Variants in MLXIP observed in about 807,000 individuals in gnomAD.
MLXIP encodes the protein MLX-interacting protein.
Under a neutral mutation model 87.2 loss-of-function variants are expected in MLXIP, and 30 were observed. The ratio of observed to expected loss-of-function variants is 0.34; its 90% confidence interval spans 0.26 to 0.47. The LOEUF is 0.47. Ranked by LOEUF, MLXIP falls within the 20% of genes least tolerant of loss-of-function variation. The probability of loss-of-function intolerance (pLI) is 1.00; values close to 1 mark genes in which losing one functional copy is unlikely to be tolerated. For synonymous variants in MLXIP, 530 were observed against 514.0 expected, an observed-to-expected ratio of 1.03 and a Z score of -0.42; for missense variants, 1,002 against 1,240.1, an observed-to-expected ratio of 0.81 and a Z score of 2.88.
chr12:122,115,037 G>A (rs1011981154), intron 1 of MLXIP, among the ~76,000 whole-genome samples: 4 of 151,634 alleles, frequency 2.6e-5, no homozygotes, highest in African/African-American at 4.8e-5. Context: ...GTGAGCCACC[G>A]CACCCAGCCA....
intron 11 of MLXIP, chr12:122,136,299 T>C (rs1358121966): frequency 6.6e-6 from 1 of 152,170 alleles, no homozygotes; most frequent in East Asian, 1.9e-4. Context: ...GAAATGGAAA[T>C]GGCCTCTTTT....
At chr12:122,082,545 G>A (rs1952106960) in intron 1 of MLXIP, among the ~76,000 whole-genome samples, 1 of 152,194 alleles carries the variant, frequency 6.6e-6, no homozygotes, top group Non-Finnish European at 1.5e-5. Flanking sequence ...GCTCCGCATA[G>A]CAAGTGGGTT....
intron 1 of MLXIP, 66 bp from the exon 2 acceptor site, chr12:122,127,190 C>T: frequency 7.9e-7 from 1 of 1,261,840 alleles, no homozygotes; most frequent in Non-Finnish European, 1.1e-6. Flanking sequence ...GATCGGGTGG[C>T]ACTTTGTAAT....
In MLXIP at chr12:122,135,012, G is replaced by A; in HGVS notation, c.1733-212G>A. On this transcript the variant is annotated intron_variant, in intron 9 of 16. Transcript: ENST00000319080. This position sits in a 1 kb window ranked among gnomAD's most constrained non-coding sequence, Gnocchi z 5.3. Reference sequence around the variant, plus strand: ...TTTAAAGTTAGTCACAACCTACAGTGTGAAAACATGGTCCTGGCCATCTCT... The same window carrying A: ...TTTAAAGTTAGTCACAACCTACAGTATGAAAACATGGTCCTGGCCATCTCT... The A allele has an allele frequency of 1.8e-6, 1 of 570,100 alleles. No homozygotes were observed. The highest frequency in any genetic ancestry group is 2.9e-5 in the Admixed American group (1 of 35,010). The allele number at this position is 570,100 out of a possible 1,614,324, so 35.3% of individuals were successfully genotyped here. A position where few individuals can be genotyped will look rare whatever the true frequency, so the allele number is the denominator to read the frequency against.
intron 1 of MLXIP, among the ~76,000 whole-genome samples, chr12:122,093,932 TG>T (rs1952296358): frequency 4.9e-4 from 63 of 127,838 alleles, no homozygotes; most frequent in Admixed American, 5.5e-4. Context: ...TCTGGTGTGG[TG>T]GTGTGTGGGG....
At chr12:122,140,788 G>A (rs1451678290) in intron 15 of MLXIP, 166 bp from the exon 16 acceptor site, 4 of 1,052,474 alleles carry the variant, frequency 3.8e-6, no homozygotes, top group African/African-American at 1.6e-5. Flanking sequence ...TGAAGTGGAA[G>A]ACACACCTTG....
chr12:122,084,566 G>T (rs1952139146), intron 1 of MLXIP, among the ~76,000 whole-genome samples: 1 of 152,080 alleles, frequency 6.6e-6, no homozygotes, highest in African/African-American at 2.4e-5. Flanking sequence ...GTTTGTTTGA[G>T]ACGGAGTTTC....
intron 15 of MLXIP, among the ~76,000 whole-genome samples, chr12:122,139,536 G>A (rs977596789): frequency 2.0e-5 from 3 of 152,222 alleles, no homozygotes; most frequent in Non-Finnish European, 2.9e-5. Flanking sequence ...ACATGTGTTG[G>A]GTTGACCGTG....
chr12:122,114,589 G>A (rs1009404679), intron 1 of MLXIP, among the ~76,000 whole-genome samples: 2 of 152,128 alleles, frequency 1.3e-5, no homozygotes, highest in East Asian at 3.8e-4. Flanking sequence ...CCCATTGTAA[G>A]TCAGATTGGT....
In MLXIP at chr12:122,079,141, C is replaced by G. The variant is rs1952054988; in HGVS notation, c.288C>G (p.Gly96=). 2 of 1,550,942 alleles carry G rather than the reference C, an allele frequency of 1.3e-6. No homozygotes were observed. The highest frequency in any genetic ancestry group is 2.7e-5 in the African/African-American group (2 of 73,016). ...SPHREHPPKK[G]YDFDTVNKQT... is the part of the protein sequence containing the mutation. ...ACCGAGAGCACCCGCCCAAGAAGGG[C>G]TACGATTTCGACACGGTCAACAAAC... The change falls in exon 1 of 17, where the codon GGC becomes GGG. Residue 96 remains glycine (G), a synonymous_variant. Coordinates refer to ENST00000319080, the MANE Select transcript of MLXIP (RefSeq NM_014938.6).
rs1214535980 is a variant in MLXIP, at chr12:122,127,333, A to G, written c.491A>G (p.Asn164Ser). The G allele has an allele frequency of 6.2e-7, 1 of 1,613,170 alleles. No homozygotes were observed. The highest frequency in any genetic ancestry group is 8.5e-7 in the Non-Finnish European group (1 of 1,179,614). ...LQWRDKIRLN[N>S]AIWRAWYMQY... ...TGGAGAGACAAGATCCGGCTCAATA[A>G]TGCCATCTGGCGGGCCTGGTACATG... Residue 164 changes from asparagine (N) to serine (S), a missense_variant, in exon 2 of 17, where the codon AAT becomes AGT. Asn to Ser is a conservative substitution (Grantham distance 46). Transcript: ENST00000319080.
At chr12:122,097,920 TCTGGC>T (rs1054202734) in intron 1 of MLXIP, among the ~76,000 whole-genome samples, 1 of 151,604 alleles carries the variant, frequency 6.6e-6, no homozygotes, top group Non-Finnish European at 1.5e-5. Flanking sequence ...GCAGCTCAGC[TCTGGC>T]CTGGCCTTGG....
intron 1 of MLXIP, among the ~76,000 whole-genome samples, chr12:122,088,826 G>C (rs1467036155): frequency 6.6e-6 from 1 of 152,012 alleles, no homozygotes; most frequent in Non-Finnish European, 1.5e-5. Flanking sequence ...TAGAAAGCAG[G>C]GGAATTAGCC....
At chr12:122,114,632 A>C (rs1952659154) in intron 1 of MLXIP, among the ~76,000 whole-genome samples, 1 of 152,170 alleles carries the variant, frequency 6.6e-6, no homozygotes, top group South Asian at 2.1e-4. Flanking sequence ...CCAGGCAAAC[A>C]AAGACACTCC....
chr12:122,098,414 A>T (rs1330126292), intron 1 of MLXIP, among the ~76,000 whole-genome samples: 2 of 152,208 alleles, frequency 1.3e-5, no homozygotes, highest in Non-Finnish European at 2.9e-5. Flanking sequence ...CGACTGGAAG[A>T]TTGACACAGC....
At chr12:122,140,741 C>T in intron 15 of MLXIP, 3 of 720,582 alleles carry the variant, frequency 4.2e-6, no homozygotes, top group Non-Finnish European at 7.2e-6. Context: ...CTTGAGCGGC[C>T]CTGTTGTCCA....
rs60691591 is a variant in MLXIP, at chr12:122,131,912, C to CTT, written c.1001-352_1001-351dup. Reference sequence around the variant, plus strand: ...CAGGCATGGTGGTTGTGGTTGGCACCTTTTTTTTTTTTTTTTTTTTTTTTT... The same window carrying CTT: ...CAGGCATGGTGGTTGTGGTTGGCACCTTTTTTTTTTTTTTTTTTTTTTTTTTT... On this transcript the variant is annotated intron_variant, in intron 7 of 16. Transcript: ENST00000319080. 8.8e-4 allele frequency among the ~76,000 whole-genome samples: 65 copies of CTT among 73,996 alleles called. 2 individuals are homozygous for CTT. The highest frequency in any genetic ancestry group is 2.5e-3 in the African/African-American group (42 of 17,028). The allele number at this position is 73,996 out of a possible 152,430, so 48.5% of individuals were successfully genotyped here.
Position 122,112,428 on chromosome 12 carries a change from G to C in MLXIP, c.414-14828G>C, listed in dbSNP as rs183813162. Among the ~76,000 whole-genome samples the C allele has an allele frequency of 8.4e-4, 128 of 152,236 alleles. 1 individual carries two copies. The highest frequency in any genetic ancestry group is 2.9e-3 in the African/African-American group (121 of 41,534). On this transcript the variant is annotated intron_variant, in intron 1 of 16. Coordinates refer to ENST00000319080, the MANE Select transcript of MLXIP (RefSeq NM_014938.6). ...CCAAGGCAGGCGGATCACAAGGTCA[G>C]GAGGTCGAGACCATCCTGGCTAACA...
chr12:122,105,302 T>A (rs1170691359), intron 1 of MLXIP, among the ~76,000 whole-genome samples: 2 of 152,156 alleles, frequency 1.3e-5, no homozygotes, highest in Non-Finnish European at 2.9e-5. Flanking sequence ...GACACTTACC[T>A]TCTAACTTTG....
Sources: allele counts gnomAD v4.1 joint callset (sites outside exome capture counted in the v4.1 genomes callset), GRCh38; gene constraint gnomAD v4.1.1; non-coding constraint Gnocchi (gnomAD v3.1); transcripts MANE v1.5; gene names NCBI Gene and HGNC (gene_info 2026-07-23, HGNC 2026-07-21).